Variants in CLIC4 observed in about 807,000 individuals in gnomAD.
CLIC4 encodes CLIC family member 4, also known as chloride intracellular channel protein 4.
CLIC4 carries 13 observed loss-of-function variants against 24.6 expected under a neutral mutation model. The ratio of observed to expected loss-of-function variants is 0.53; its 90% CI spans 0.34 to 0.84. The LOEUF is 0.84. Ranked by LOEUF, CLIC4 falls within the 40% of genes least tolerant of loss-of-function variation. The probability of loss-of-function intolerance (pLI) is 0.01; values close to 1 mark genes in which losing one functional copy is unlikely to be tolerated. For missense variants in CLIC4, 227 were observed against 301.7 expected (o/e 0.75, Z 1.83); for synonymous variants, 104 against 111.3 (o/e 0.93, Z 0.41).
intron 2 of CLIC4, among the ~76,000 whole-genome samples, chr1:24,806,623 A>G (rs1012355554): frequency 1.3e-5 from 2 of 152,192 alleles, no homozygotes; most frequent in Admixed American, 6.5e-5. Context: ...TTGGTTGTAT[A>G]TATGACTCTA....
In CLIC4 at chr1:24,766,499, T is replaced by G. The variant is rs1347373897; in HGVS notation, c.72+20874T>G. Among the ~76,000 whole-genome samples the G allele has an allele frequency of 3.4e-4, 29 of 85,630 alleles. 2 individuals are homozygous for G. Among genetic ancestry groups the G allele is most frequent in the African/African-American group, 1.3e-3 (27 of 20,330 alleles). 56.2% of individuals were successfully genotyped at this position (85,630 alleles called of 152,430 possible). On this transcript the variant is annotated intron_variant, in intron 1 of 5. Transcript: ENST00000374379. ...TTTTTTTTTTTTTTTTTTTTTTTTT[T>G]TTTTTTTTTTTTTTTTTTTTTTGAG...
At chr1:24,771,419 G>A (rs1230766724) in intron 1 of CLIC4, among the ~76,000 whole-genome samples, 1 of 152,018 alleles carries the variant, frequency 6.6e-6, no homozygotes, top group Non-Finnish European at 1.5e-5. Flanking sequence ...GTAAATTCCA[G>A]GAGATCAAGG....
At chr1:24,836,556 AACGGGGCACAGT>A (rs1639887513) in intron 4 of CLIC4, among the ~76,000 whole-genome samples, 1 of 152,204 alleles carries the variant, frequency 6.6e-6, no homozygotes, top group South Asian at 2.1e-4. Context: ...GTACAGCTAG[AACGGGGCACAGT>A]GGCTCATGCC....
intron 3 of CLIC4, among the ~76,000 whole-genome samples, chr1:24,824,070 G>C (rs554428104): frequency 2.0e-5 from 3 of 152,260 alleles, no homozygotes; most frequent in African/African-American, 7.2e-5. Context: ...GAAAACCATT[G>C]CTTGATCAAG....
chr1:24,776,667 G>A (rs905383336), intron 1 of CLIC4, among the ~76,000 whole-genome samples: 1 of 152,184 alleles, frequency 6.6e-6, no homozygotes, highest in African/African-American at 2.4e-5. Flanking sequence ...TTGGCCAGGT[G>A]TCATGGCTCA....
chr1:24,824,483 G>A (rs563445290), intron 3 of CLIC4, among the ~76,000 whole-genome samples: 15 of 152,242 alleles, frequency 9.9e-5, no homozygotes, highest in South Asian at 6.2e-4. Flanking sequence ...GGCCAGGCTA[G>A]TCTCGAACTC....
chr1:24,798,977 C>T (rs1205463115), intron 2 of CLIC4, among the ~76,000 whole-genome samples: 1 of 152,246 alleles, frequency 6.6e-6, no homozygotes, highest in Non-Finnish European at 1.5e-5. Flanking sequence ...AGTGCAGTGG[C>T]GTGATCTCGG....
chr1:24,778,470 T>C (rs753064624), intron 1 of CLIC4, among the ~76,000 whole-genome samples: 4 of 152,196 alleles, frequency 2.6e-5, no homozygotes, highest in African/African-American at 2.4e-5. Context: ...TTGATACTTA[T>C]AGGGAATATA....
In CLIC4 at chr1:24,781,883, C is replaced by G. The variant is rs576953949; in HGVS notation, c.73-15859C>G. ...ACCAGGCTGGTCTCAAACTCCTGACCTCGTGTTCCGCCCGCCTTGGCCTCC... is the reference window on the plus strand; with the variant it reads ...ACCAGGCTGGTCTCAAACTCCTGACGTCGTGTTCCGCCCGCCTTGGCCTCC... On this transcript the variant is annotated intron_variant, in intron 1 of 5. Coordinates refer to ENST00000374379, the MANE Select transcript of CLIC4 (RefSeq NM_013943.3). Among the ~76,000 whole-genome samples the G allele has an allele frequency of 2.6e-5, 4 of 152,158 alleles. No individual in the cohort carries two copies. In the South Asian group the frequency reaches 8.3e-4, roughly 32 times the overall value.
intron 2 of CLIC4, among the ~76,000 whole-genome samples, chr1:24,805,086 C>CAAAAAAAAA (rs757976140): frequency 1.4e-3 from 63 of 46,630 alleles, no homozygotes; most frequent in Non-Finnish European, 1.9e-3. Flanking sequence ...GACTCCATGT[C>CAAAAAAAAA]AAAAAAAAAA....
chr1:24,795,212 C>T (rs1179221954), intron 1 of CLIC4, among the ~76,000 whole-genome samples: 1 of 152,118 alleles, frequency 6.6e-6, no homozygotes, highest in Non-Finnish European at 1.5e-5. Context: ...CAACAACCAC[C>T]TTGGGGCATA....
intron 1 of CLIC4, among the ~76,000 whole-genome samples, chr1:24,763,947 G>A (rs1638961366): frequency 6.6e-6 from 1 of 152,142 alleles, no homozygotes; most frequent in Non-Finnish European, 1.5e-5. Context: ...CGTCCACCAC[G>A]ATATTTAGTA....
At chr1:24,813,408 T>C (rs1236286832) in intron 2 of CLIC4, among the ~76,000 whole-genome samples, 1 of 151,664 alleles carries the variant, frequency 6.6e-6, no homozygotes, top group East Asian at 2.0e-4. Flanking sequence ...TCTCTTTTCT[T>C]TTTCTTTTTC....
chr1:24,759,766 T>A (rs1166362872), intron 1 of CLIC4, among the ~76,000 whole-genome samples: 1 of 152,084 alleles, frequency 6.6e-6, no homozygotes, highest in Non-Finnish European at 1.5e-5. Context: ...CTCTGCAACG[T>A]GGGGAAACCC....
intron 1 of CLIC4, among the ~76,000 whole-genome samples, chr1:24,795,981 C>T (rs2124129578): frequency 6.6e-6 from 1 of 152,302 alleles, no homozygotes; most frequent in Middle Eastern, 3.4e-3. Flanking sequence ...ATGATTTTTA[C>T]ATTTCAGAAA....
chr1:24,812,804 C>T (rs781134210), intron 2 of CLIC4, among the ~76,000 whole-genome samples: 15 of 150,598 alleles, frequency 1.0e-4, no homozygotes, highest in Non-Finnish European at 1.5e-4. Context: ...CTGTAACCTC[C>T]GCCTCCCGGG....
intron 2 of CLIC4, 132 bp from the exon 3 acceptor site, chr1:24,813,962 C>T: frequency 1.0e-6 from 1 of 973,156 alleles, no homozygotes; most frequent in Non-Finnish European, 1.6e-6. Context: ...AAGCAGTGTC[C>T]CACCTCAGCC....
intron 1 of CLIC4, among the ~76,000 whole-genome samples, chr1:24,791,942 G>C (rs1469470819): frequency 6.6e-6 from 1 of 151,198 alleles, no homozygotes; most frequent in African/African-American, 2.4e-5. Context: ...CCAGCTGCTC[G>C]GGAGGCTGAG....
At chr1:24,817,299 T>C (rs944602522) in intron 3 of CLIC4, among the ~76,000 whole-genome samples, 2 of 152,252 alleles carry the variant, frequency 1.3e-5, no homozygotes, top group Non-Finnish European at 2.9e-5. Context: ...CTAGATCTTC[T>C]AGATAGATCA....
Sources: gnomAD v4.1 joint callset for allele counts (sites outside exome capture counted in the v4.1 genomes callset) on GRCh38, gnomAD v4.1.1 for gene constraint, MANE v1.5 for transcripts, NCBI Gene and HGNC (gene_info 2026-07-23, HGNC 2026-07-21) for gene names.